OPCML: variants seen among roughly 807,000 people sequenced by gnomAD.
The protein encoded by OPCML is opioid binding protein/cell adhesion molecule like.
OPCML carries 13 observed loss-of-function variants against 37.8 expected under a neutral mutation model. That is an observed-to-expected ratio of 0.34 (90% CI 0.22 to 0.55). The LOEUF is 0.55. Ranked by LOEUF, OPCML falls within the 20% of genes least tolerant of loss-of-function variation. OPCML has a pLI of 0.91. For missense variants in OPCML, 341 were observed against 435.6 expected, an observed-to-expected ratio of 0.78 and a Z score of 1.93; for synonymous variants, 176 against 168.8, an observed-to-expected ratio of 1.04 and a Z score of -0.33.
chr11:133,024,855 T>A, intron 1 of OPCML: 1 of 985,450 alleles, frequency 1.0e-6, no homozygotes, highest in South Asian at 4.7e-5. Flanking sequence ...CCTGCTTTCA[T>A]GTCCCTTCTA....
chr11:133,250,852 C>T (rs1941109404), intron 1 of OPCML, among the ~76,000 whole-genome samples: 1 of 152,034 alleles, frequency 6.6e-6, no homozygotes, highest in South Asian at 2.1e-4. Flanking sequence ...CTATCTTTAG[C>T]AATGGACCTC....
At chr11:133,020,940 A>T (rs116685125) in intron 1 of OPCML, among the ~76,000 whole-genome samples, 1 of 152,164 alleles carries the variant, frequency 6.6e-6, no homozygotes, top group Non-Finnish European at 1.5e-5. Flanking sequence ...CTTGGCATAC[A>T]TAGACTCTCA....
intron 1 of OPCML, among the ~76,000 whole-genome samples, chr11:132,963,428 A>G (rs1333858628): frequency 2.0e-5 from 3 of 151,788 alleles, no homozygotes; most frequent in Non-Finnish European, 4.4e-5. Context: ...CGTCTCGACT[A>G]AAAAATACAA....
chr11:133,351,362 T>C (rs563676775), intron 1 of OPCML, among the ~76,000 whole-genome samples: 50 of 152,314 alleles, frequency 3.3e-4, no homozygotes, highest in African/African-American at 1.1e-3. Flanking sequence ...AATGACTCAA[T>C]CTTACCAAAT....
chr11:133,390,724 C>T (rs1945157798), intron 1 of OPCML, among the ~76,000 whole-genome samples: 2 of 152,112 alleles, frequency 1.3e-5, no homozygotes. Context: ...GTCACTCTAA[C>T]AACTCAATGC....
At position 132,436,624 on chromosome 11, in the gene OPCML, G is replaced by A. The variant is rs369013313; in HGVS notation, c.764+35C>T. 2.5e-6 allele frequency: 4 copies of A among 1,610,628 alleles called. No homozygotes were observed. The Admixed American group carries it at 6.7e-5, about 27-fold the overall frequency. On this transcript the variant is annotated intron_variant, in intron 6 of 7. Coordinates refer to ENST00000524381, the MANE Select transcript of OPCML (RefSeq NM_001012393.5). ...CATGTGGGGATAGACCATCAGCTCT[G>A]CTTCAGAACTGTCCAGGTGTCATTT...
intron 2 of OPCML, among the ~76,000 whole-genome samples, chr11:132,677,460 A>T (rs1477826575): frequency 1.3e-5 from 2 of 152,164 alleles, no homozygotes; most frequent in African/African-American, 4.8e-5. Flanking sequence ...ACAATATTGG[A>T]GTAAAATAAT....
intron 3 of OPCML, among the ~76,000 whole-genome samples, chr11:132,574,173 A>G (rs1037251591): frequency 3.5e-5 from 5 of 143,998 alleles, no homozygotes; most frequent in African/African-American, 8.6e-5. Flanking sequence ...TTTTTAAAAA[A>G]GGCAATTCTT....
At chr11:133,507,409 G>T (rs1333456344) in intron 1 of OPCML, among the ~76,000 whole-genome samples, 2 of 152,164 alleles carry the variant, frequency 1.3e-5, no homozygotes, top group East Asian at 1.9e-4. Flanking sequence ...CACCTCAGGG[G>T]GTCATCTACT....
chr11:132,706,176 T>C (rs1214995157), intron 2 of OPCML, among the ~76,000 whole-genome samples: 1 of 152,202 alleles, frequency 6.6e-6, no homozygotes, highest in Non-Finnish European at 1.5e-5. Context: ...GCATTGCAGA[T>C]ACTTGGCTAG....
chr11:132,581,247 A>AATTT (rs977021139), intron 3 of OPCML, among the ~76,000 whole-genome samples: 1 of 152,160 alleles, frequency 6.6e-6, no homozygotes, highest in Non-Finnish European at 1.5e-5. Context: ...TTAATGATTT[A>AATTT]ATTTTGTGTT....
intron 1 of OPCML, among the ~76,000 whole-genome samples, chr11:133,314,563 A>T (rs917557392): frequency 6.6e-6 from 1 of 151,766 alleles, no homozygotes; most frequent in South Asian, 2.1e-4. Context: ...ATAAGAAAAA[A>T]AAAAAAAAGA....
chr11:132,906,026 C>G (rs970229253), intron 2 of OPCML, among the ~76,000 whole-genome samples: 1 of 152,174 alleles, frequency 6.6e-6, no homozygotes, highest in Non-Finnish European at 1.5e-5. Context: ...TGAAGCCTCT[C>G]TACTTTGGAA....
At chr11:133,240,336 T>C (rs1046639180) in intron 1 of OPCML, among the ~76,000 whole-genome samples, 4 of 152,134 alleles carry the variant, frequency 2.6e-5, no homozygotes, top group Non-Finnish European at 2.9e-5. Context: ...TTAATTTCTG[T>C]CCACCAAGGC....
chr11:132,814,622 T>C (rs982987429), intron 2 of OPCML, among the ~76,000 whole-genome samples: 1 of 152,228 alleles, frequency 6.6e-6, no homozygotes, highest in Non-Finnish European at 1.5e-5. Context: ...AGTCCACCAA[T>C]TCAAATGCTA....
chr11:133,008,851 G>T, intron 1 of OPCML: 1 of 979,034 alleles, frequency 1.0e-6, no homozygotes, highest in Non-Finnish European at 1.2e-6. Flanking sequence ...CTCCATCTGA[G>T]AGTCAATTTT....
chr11:132,787,127 G>C (rs539252799), intron 2 of OPCML, among the ~76,000 whole-genome samples: 1 of 152,310 alleles, frequency 6.6e-6, no homozygotes, highest in Non-Finnish European at 1.5e-5. Flanking sequence ...TTGAGAACCA[G>C]ACTTCGAGAA....
At chr11:133,359,719 T>C (rs1565591654) in intron 1 of OPCML, among the ~76,000 whole-genome samples, 1 of 152,226 alleles carries the variant, frequency 6.6e-6, no homozygotes, top group Non-Finnish European at 1.5e-5. Context: ...GGGTGGTCGT[T>C]TATGAATGTC....
chr11:133,395,047 C>A (rs923499206), intron 1 of OPCML, among the ~76,000 whole-genome samples: 14 of 152,134 alleles, frequency 9.2e-5, no homozygotes, highest in African/African-American at 3.1e-4. Flanking sequence ...TATTGCCTGA[C>A]TATTGTGTAA....
Sources: gnomAD v4.1 joint callset for allele counts (sites outside exome capture counted in the v4.1 genomes callset) on GRCh38, gnomAD v4.1.1 for gene constraint, MANE v1.5 for transcripts, NCBI Gene and HGNC (gene_info 2026-07-23, HGNC 2026-07-21) for gene names.